Variants in MARCHF5 observed in about 807,000 individuals in gnomAD.
MARCHF5 encodes the protein E3 ubiquitin-protein ligase MARCHF5.
Under a neutral mutation model 36.5 loss-of-function variants are expected in MARCHF5, and 5 were observed. The ratio of observed to expected loss-of-function variants is 0.14; its 90% CI spans 0.07 to 0.29. The LOEUF (loss-of-function observed/expected upper bound fraction) is 0.29, where lower values mean the gene tolerates loss of function less well. Among genes scored for constraint, MARCHF5 ranks in the 10% least tolerant of loss-of-function variants. The pLI, the probability that MARCHF5 is intolerant of heterozygous loss-of-function variation, is 1.00. For missense variants in MARCHF5, 179 were observed against 336.3 expected (o/e 0.53, Z 3.66); for synonymous variants, 103 against 109.9 (o/e 0.94, Z 0.39).
At chr10:92,315,818 G>T (rs891256313) in intron 2 of MARCHF5, among the ~76,000 whole-genome samples, 17 of 152,182 alleles carry the variant, frequency 1.1e-4, no homozygotes, top group African/African-American at 4.1e-4. Flanking sequence ...TGATGTGGAA[G>T]TATGTTAGCC....
chr10:92,332,809 G>T (rs540984352), intron 2 of MARCHF5, among the ~76,000 whole-genome samples: 2 of 150,028 alleles, frequency 1.3e-5, no homozygotes, highest in Non-Finnish European at 3.0e-5. Context: ...GTGAGCCACC[G>T]CACCCAGCCT....
rs1057335868 is a variant in MARCHF5 at position 92,349,917 on chromosome 10, A to G, written c.720+80A>G. On this transcript the variant is annotated intron_variant, in intron 5 of 5. Coordinates refer to ENST00000358935, the MANE Select transcript of MARCHF5 (RefSeq NM_017824.5). Reference sequence around the variant, plus strand: ...TTGTTTTTAAAAGGTGGGGAACTGTATAAATATTCGGTCTGTGGCTCCTAT... The same window carrying G: ...TTGTTTTTAAAAGGTGGGGAACTGTGTAAATATTCGGTCTGTGGCTCCTAT... 7 of 1,198,926 alleles carry G rather than the reference A, an allele frequency of 5.8e-6. No homozygotes were observed. In the African/African-American group the frequency reaches 7.6e-5, roughly 13 times the overall value. The allele number at this position is 1,198,926 out of a possible 1,614,324, so 74.3% of individuals were successfully genotyped here.
At chr10:92,310,913 C>T (rs1392261905) in intron 1 of MARCHF5, among the ~76,000 whole-genome samples, 1 of 152,110 alleles carries the variant, frequency 6.6e-6, no homozygotes, top group Non-Finnish European at 1.5e-5. Context: ...AAACAAAGTT[C>T]AGAAAACATA....
intron 2 of MARCHF5, among the ~76,000 whole-genome samples, chr10:92,333,793 T>G (rs1288389774): frequency 6.6e-6 from 1 of 152,170 alleles, no homozygotes; most frequent in Non-Finnish European, 1.5e-5. Context: ...CAAAAAGACT[T>G]GGAGCAAGGA....
rs1427011178 is a variant in MARCHF5, at chr10:92,291,410, T to G, written c.-85T>G. ...CGGCTGCCGCCGGACTGCGGCCTAC[T>G]CCGCCGCCTCTCAGTGCTATTGTCC... On this transcript the variant is annotated 5_prime_UTR_variant, in exon 1 of 6. Coordinates refer to ENST00000358935, the MANE Select transcript of MARCHF5 (RefSeq NM_017824.5). 8.0e-7 allele frequency: 1 copy of G among 1,251,902 alleles called. No homozygotes were observed. The highest frequency in any genetic ancestry group is 2.6e-5 in the East Asian group (1 of 38,342). 77.5% of individuals were successfully genotyped at this position (1,251,902 alleles called of 1,614,324 possible).
At chr10:92,348,473 A>G (rs1475416766) in intron 3 of MARCHF5, among the ~76,000 whole-genome samples, 1 of 152,158 alleles carries the variant, frequency 6.6e-6, no homozygotes, top group African/African-American at 2.4e-5. Context: ...TGGGCAACAC[A>G]GCGAGACTCC....
chr10:92,320,330 T>C (rs933330248), intron 2 of MARCHF5, among the ~76,000 whole-genome samples: 10 of 152,092 alleles, frequency 6.6e-5, no homozygotes, highest in African/African-American at 2.4e-4. Context: ...GCACTGTGAT[T>C]ACAGGCATGA....
intron 1 of MARCHF5, among the ~76,000 whole-genome samples, chr10:92,303,150 C>CA (rs1843035261): frequency 6.6e-6 from 1 of 152,088 alleles, no homozygotes; most frequent in Non-Finnish European, 1.5e-5. Context: ...GCCCCCCTCA[C>CA]TTTTTTCTAC....
At chr10:92,307,078 A>G (rs1843082333) in intron 1 of MARCHF5, among the ~76,000 whole-genome samples, 1 of 152,122 alleles carries the variant, frequency 6.6e-6, no homozygotes, top group African/African-American at 2.4e-5. Flanking sequence ...TAATCAGGAC[A>G]CTGAGGCAGG....
chr10:92,327,747 AT>A (rs1158830036), intron 2 of MARCHF5, among the ~76,000 whole-genome samples: 7 of 151,994 alleles, frequency 4.6e-5, no homozygotes, highest in East Asian at 3.9e-4. Flanking sequence ...TCACTCAGGT[AT>A]TTTTTTTCTC....
chr10:92,298,754 G>T (rs757702047), intron 1 of MARCHF5, among the ~76,000 whole-genome samples: 19 of 152,246 alleles, frequency 1.2e-4, no homozygotes, highest in Middle Eastern at 6.8e-3. Context: ...GTAGAGACGG[G>T]CTTTCGCCGT....
intron 3 of MARCHF5, among the ~76,000 whole-genome samples, chr10:92,341,271 C>A (rs1843574668): frequency 6.6e-6 from 1 of 151,956 alleles, no homozygotes; most frequent in Non-Finnish European, 1.5e-5. Context: ...GGAGTGGTGG[C>A]AGGTTCCTGT....
chr10:92,349,610 TTGAAGGTAGTCTAACTCTTCTG>T, intron 4 of MARCHF5, 39 bp from the exon 5 acceptor site: 1 of 1,598,742 alleles, frequency 6.3e-7, no homozygotes, highest in Non-Finnish European at 8.5e-7. Context: ...TTAGCCATGT[TTGAAGGTAGTCTAACTCTTCTG>T]ATTTATTAGC....
Position 92,349,498 on chromosome 10 carries a change from G to A in MARCHF5, c.519G>A (p.Ser173=), listed in dbSNP as rs192005697. The change falls in exon 4 of 6, where the codon TCG becomes TCA. Residue 173 remains serine, a synonymous_variant. Coordinates refer to ENST00000358935, the MANE Select transcript of MARCHF5 (RefSeq NM_017824.5). ...TGCTTAGACTGTGGCGCAAATACTC[G>A]AATAAACTACAAATTTTAAATAGTA... ...DYVLRLWRKY[S]NKLQILNSIF... 4.5e-5 allele frequency: 72 copies of A among 1,613,722 alleles called. No individual in the cohort carries two copies. The East Asian group carries it at 5.8e-4, about 13-fold the overall frequency.
chr10:92,326,781 C>G (rs1222960471), intron 2 of MARCHF5, among the ~76,000 whole-genome samples: 2 of 144,748 alleles, frequency 1.4e-5, no homozygotes, highest in Non-Finnish European at 3.0e-5. Flanking sequence ...ATCTCATAAG[C>G]AGTTTTTTTT....
At chr10:92,295,404 TTTATTTTTTA>T (rs1842937626) in intron 1 of MARCHF5, among the ~76,000 whole-genome samples, 2 of 140,182 alleles carry the variant, frequency 1.4e-5, no homozygotes, top group South Asian at 4.7e-4. Flanking sequence ...TATTTATTTA[TTTATTTTTTA>T]TTTTTTTTTT....
chr10:92,311,678 G>A lies in MARCHF5; in HGVS notation c.238+341G>A, dbSNP rs368555785. On this transcript the variant is annotated intron_variant, in intron 2 of 5. Transcript: ENST00000358935. Reference sequence around the variant, plus strand: ...TAACTTAGCTTAATTATCTGGAGACGGTGTAAGAGAAAGAAAGCAGTAGTA... The same window carrying A: ...TAACTTAGCTTAATTATCTGGAGACAGTGTAAGAGAAAGAAAGCAGTAGTA... 1.1e-3 allele frequency among the ~76,000 whole-genome samples: 161 copies of A among 151,990 alleles called. 1 individual carries two copies. Among genetic ancestry groups the A allele is most frequent in the African/African-American group, 3.6e-3 (149 of 41,472 alleles).
chr10:92,349,757 C>G lies in MARCHF5; in HGVS notation c.640C>G (p.Leu214Val). The change falls in exon 5 of 6, where the codon CTT (leucine) becomes GTT (valine). Residue 214 changes from leucine to valine, a missense_variant. Coordinates refer to ENST00000358935, the MANE Select transcript of MARCHF5 (RefSeq NM_017824.5). ...VSATRILCGA[L>V]VFPTIATIVG... ...TGCTACTCGAATCTTGTGTGGAGCC[C>G]TTGTCTTTCCTACTATTGCTACAAT... is the stretch of plus-strand genomic sequence containing the variant. The G allele has an allele frequency of 1.2e-6, 2 of 1,613,882 alleles. No individual in the cohort carries two copies. Among genetic ancestry groups the G allele is most frequent in the Non-Finnish European group, 1.7e-6 (2 of 1,179,800 alleles).
chr10:92,299,247 T>A (rs976392567), intron 1 of MARCHF5, among the ~76,000 whole-genome samples: 2 of 152,208 alleles, frequency 1.3e-5, no homozygotes, highest in Admixed American at 6.5e-5. Context: ...GGCACTAGAA[T>A]TAGCGAAGGC....
Sources: allele counts gnomAD v4.1 joint callset (sites outside exome capture counted in the v4.1 genomes callset), GRCh38; gene constraint gnomAD v4.1.1; transcripts MANE v1.5; gene names NCBI Gene and HGNC (gene_info 2026-07-23, HGNC 2026-07-21).